The following PDE10A variants were observed in gnomAD, a reference collection of about 807,000 sequenced individuals.
PDE10A encodes the protein phosphodiesterase 10A.
In PDE10A, 39 loss-of-function variants were observed where a neutral mutation model predicts 97.7. The ratio of observed to expected loss-of-function variants is 0.40; its 90% CI spans 0.31 to 0.52. PDE10A has a LOEUF of 0.52. PDE10A is among the 20% of genes least tolerant of loss of function. The probability of loss-of-function intolerance (pLI) is 0.56; values close to 1 mark genes in which losing one functional copy is unlikely to be tolerated. For missense variants in PDE10A, 731 were observed against 1,047.8 expected (o/e 0.70, Z 4.17); for synonymous variants, 371 against 376.8 (o/e 0.98, Z 0.18).
chr6:165,600,245 C>T (rs1165269666), intron 1 of PDE10A, among the ~76,000 whole-genome samples: 4 of 152,198 alleles, frequency 2.6e-5, no homozygotes, highest in Non-Finnish European at 4.4e-5. Context: ...GGACACACTG[C>T]CAAAACAGCC....
intron 1 of PDE10A, among the ~76,000 whole-genome samples, chr6:165,570,266 G>A (rs1284779997): frequency 6.6e-6 from 1 of 152,102 alleles, no homozygotes; most frequent in Non-Finnish European, 1.5e-5. Context: ...GACAAATATT[G>A]TGTCAAAAAT....
chr6:165,498,465 A>AAAAAC (rs1780677069), intron 2 of PDE10A, among the ~76,000 whole-genome samples: 1 of 136,680 alleles, frequency 7.3e-6, no homozygotes, highest in Non-Finnish European at 1.6e-5. Flanking sequence ...AAAAAAAAAA[A>AAAAAC]ATCAGTAACA....
intron 1 of PDE10A, among the ~76,000 whole-genome samples, chr6:165,625,524 T>C (rs3008031): frequency 0.73 from 111,448 of 152,130 alleles, 42,121 homozygotes; most frequent in African/African-American, 0.93. Context: ...CTGACCGATA[T>C]GGTTTGGCTG....
chr6:165,700,336 T>A (rs1178312911), intron 1 of PDE10A, among the ~76,000 whole-genome samples: 1 of 152,056 alleles, frequency 6.6e-6, no homozygotes, highest in Non-Finnish European at 1.5e-5. Context: ...GAATGAGAGG[T>A]AAAGAGCATG....
intron 1 of PDE10A, among the ~76,000 whole-genome samples, chr6:165,588,176 T>C (rs952609489): frequency 9.9e-5 from 15 of 152,012 alleles, no homozygotes; most frequent in Admixed American, 8.5e-4. Flanking sequence ...AAATTGACAC[T>C]AGGTGAAAAT....
intron 1 of PDE10A, among the ~76,000 whole-genome samples, chr6:165,905,689 C>T (rs1473224550): frequency 1.3e-5 from 2 of 151,058 alleles, no homozygotes; most frequent in Non-Finnish European, 2.9e-5. Context: ...AAAAAAACAA[C>T]AGCCTCCAAA....
At chr6:165,958,698 A>AAGAAAGAAAG (rs768809858) in intron 1 of PDE10A, among the ~76,000 whole-genome samples, 10 of 86,650 alleles carry the variant, frequency 1.2e-4, no homozygotes, top group African/African-American at 4.2e-4. Context: ...AAGAAAGAGA[A>AAGAAAGAAAG]AGAAAGAAAG....
At chr6:165,631,004 A>T (rs1021514155) in intron 1 of PDE10A, among the ~76,000 whole-genome samples, 2 of 152,236 alleles carry the variant, frequency 1.3e-5, no homozygotes, top group African/African-American at 2.4e-5. Context: ...ACAATAAACT[A>T]AATGTCAGGT....
chr6:165,728,714 A>G (rs6933137), intron 1 of PDE10A, among the ~76,000 whole-genome samples: 4,190 of 152,260 alleles, frequency 0.028, 68 homozygotes, highest in Middle Eastern at 0.054. Flanking sequence ...ATAAGACACC[A>G]GGAAAGGTGG....
chr6:165,751,008 T>C (rs1181714145), intron 1 of PDE10A, among the ~76,000 whole-genome samples: 1 of 152,084 alleles, frequency 6.6e-6, no homozygotes, highest in African/African-American at 2.4e-5. Context: ...CCAAGCCTTG[T>C]AGGGGTTCAA....
intron 1 of PDE10A, among the ~76,000 whole-genome samples, chr6:165,755,534 G>A (rs1313292977): frequency 6.6e-6 from 1 of 152,132 alleles, no homozygotes; most frequent in African/African-American, 2.4e-5. Context: ...CAAAATTCTA[G>A]TCTTTATTAT....
intron 1 of PDE10A, among the ~76,000 whole-genome samples, chr6:165,751,683 G>A (rs754804978): frequency 4.6e-5 from 7 of 152,126 alleles, no homozygotes; most frequent in African/African-American, 1.2e-4. Flanking sequence ...GCGATCCCTC[G>A]CTGCCCTGAT....
chr6:165,717,317 A>G (rs1002493447), intron 1 of PDE10A, among the ~76,000 whole-genome samples: 1 of 152,200 alleles, frequency 6.6e-6, no homozygotes, highest in African/African-American at 2.4e-5. Context: ...CAGGCCAGGC[A>G]CAGTGGCTCA....
rs962949867 is a variant in PDE10A, at chr6:165,626,763, G to C, written c.865+35184C>G. Among the ~76,000 whole-genome samples, 3 of 151,894 alleles carry C rather than the reference G, an allele frequency of 2.0e-5. No individual in the cohort carries two copies. In the East Asian group the frequency reaches 5.8e-4, roughly 29 times the overall value. On this transcript the variant is annotated intron_variant, in intron 1 of 21. Transcript: ENST00000539869. ...GAAGGGGAAAGCGAGGTGGGGCGGC[G>C]GGGGGAAGTTGAAGGAGCTGGGGAT... is the stretch of plus-strand genomic sequence containing the variant.
At chr6:165,859,971 TA>T (rs986248898) in intron 1 of PDE10A, among the ~76,000 whole-genome samples, 10 of 152,046 alleles carry the variant, frequency 6.6e-5, no homozygotes, top group African/African-American at 2.4e-4. Context: ...TTCTCAATGC[TA>T]AGTGGGAGCT....
chr6:165,748,871 A>G (rs1009515086), intron 1 of PDE10A, among the ~76,000 whole-genome samples: 3 of 152,022 alleles, frequency 2.0e-5, no homozygotes, highest in African/African-American at 7.2e-5. Flanking sequence ...ATAAACAGCA[A>G]CTAGAATTAT....
At chr6:165,455,346 C>T (rs1443071570) in intron 3 of PDE10A, among the ~76,000 whole-genome samples, 1 of 152,056 alleles carries the variant, frequency 6.6e-6, no homozygotes, top group Non-Finnish European at 1.5e-5. Context: ...CTGGTGACTG[C>T]AGTTTGGGAA....
intron 1 of PDE10A, among the ~76,000 whole-genome samples, chr6:165,558,167 C>A (rs886663770): frequency 6.6e-6 from 1 of 152,050 alleles, no homozygotes; most frequent in African/African-American, 2.4e-5. Flanking sequence ...ATGTATACTG[C>A]GGCACTATTC....
intron 1 of PDE10A, among the ~76,000 whole-genome samples, chr6:165,834,953 G>A (rs1328713045): frequency 6.6e-6 from 1 of 152,226 alleles, no homozygotes; most frequent in Non-Finnish European, 1.5e-5. Flanking sequence ...GGCTCCAGGT[G>A]GAGAGGCCTA....
Sources: allele counts gnomAD v4.1 joint callset (sites outside exome capture counted in the v4.1 genomes callset), GRCh38; gene constraint gnomAD v4.1.1; transcripts MANE v1.5; gene names NCBI Gene and HGNC (gene_info 2026-07-23, HGNC 2026-07-21).